Variants in GPC6 observed in about 807,000 individuals in gnomAD.
GPC6 encodes glypican 6, also known as glypican-6.
In GPC6, 14 loss-of-function variants were observed where a neutral mutation model predicts 55.2. The observed-to-expected ratio is 0.25, with a 90% CI of 0.17 to 0.40. The LOEUF (loss-of-function observed/expected upper bound fraction) is 0.40. Among genes scored for constraint, GPC6 ranks in the 10% least tolerant of loss-of-function variants. The probability of loss-of-function intolerance (pLI) is 1.00; values close to 1 mark genes in which losing one functional copy is unlikely to be tolerated. For synonymous variants in GPC6, 278 were observed against 259.6 expected, an observed-to-expected ratio of 1.07 and a Z score of -0.68; for missense variants, 641 against 708.5, an observed-to-expected ratio of 0.90 and a Z score of 1.08.
At chr13:93,421,461 C>T (rs918233877) in intron 1 of GPC6, among the ~76,000 whole-genome samples, 2 of 152,104 alleles carry the variant, frequency 1.3e-5, no homozygotes, top group African/African-American at 4.8e-5. Context: ...ATTTTCTGCT[C>T]ACTACTTTAC....
intron 1 of GPC6, among the ~76,000 whole-genome samples, chr13:93,327,707 A>T (rs1879704949): frequency 6.6e-6 from 1 of 152,080 alleles, no homozygotes; most frequent in East Asian, 1.9e-4. Flanking sequence ...GTGTGAAAAC[A>T]TTCTCATGTA....
chr13:94,027,970 A>C, intron 4 of GPC6, 76 bp downstream of exon 4: 2 of 1,285,410 alleles, frequency 1.6e-6, no homozygotes, highest in South Asian at 2.4e-5. Context: ...TGGGTGGGTC[A>C]GAAGTTATAA....
chr13:93,622,460 T>C (rs1217830265), intron 2 of GPC6, among the ~76,000 whole-genome samples: 1 of 151,366 alleles, frequency 6.6e-6, no homozygotes, highest in African/African-American at 2.4e-5. Flanking sequence ...TCTCTGTAGG[T>C]TAAAGATACA....
At chr13:94,003,465 G>C (rs547861025) in intron 3 of GPC6, among the ~76,000 whole-genome samples, 6 of 152,302 alleles carry the variant, frequency 3.9e-5, no homozygotes, top group African/African-American at 1.4e-4. Flanking sequence ...AGGGAGGATT[G>C]AGAGAGGTGT....
chr13:93,395,379 C>T, intron 1 of GPC6: 1 of 357,090 alleles, frequency 2.8e-6, no homozygotes, highest in Non-Finnish European at 5.3e-6. Flanking sequence ...TTCGGAATGA[C>T]AATCTTATCC....
chr13:93,538,255 G>A (rs1050647428), intron 1 of GPC6, among the ~76,000 whole-genome samples: 2 of 152,156 alleles, frequency 1.3e-5, no homozygotes, highest in African/African-American at 4.8e-5. Flanking sequence ...AAATTTCCCA[G>A]AGATTTTTCT....
rs542171986 is a variant in GPC6, at chr13:93,453,844, G to A, written c.161-91419G>A. Among the ~76,000 whole-genome samples, 106 of 152,154 alleles carry A rather than the reference G, an allele frequency of 7.0e-4. 3 individuals are homozygous for A. Among genetic ancestry groups the A allele is most frequent in the Admixed American group, 3.3e-4 (5 of 15,286 alleles). ...ACAGTGAGCAGTAGCAAGATTTATT[G>A]CAAAGAGCAAAAGAACAAAGCTTCC... On this transcript the variant is annotated intron_variant, in intron 1 of 8. Coordinates refer to ENST00000377047, the MANE Select transcript of GPC6 (RefSeq NM_005708.5).
chr13:93,439,004 T>C (rs2139285366), intron 1 of GPC6, among the ~76,000 whole-genome samples: 1 of 152,304 alleles, frequency 6.6e-6, no homozygotes, highest in Non-Finnish European at 1.5e-5. Flanking sequence ...AAAAGATTAA[T>C]GACTCACTGA....
intron 4 of GPC6, among the ~76,000 whole-genome samples, chr13:94,234,441 C>T (rs1890815888): frequency 6.6e-6 from 1 of 150,778 alleles, no homozygotes; most frequent in Non-Finnish European, 1.5e-5. Context: ...AATACTGAAG[C>T]TAAAAATTAG....
intron 3 of GPC6, among the ~76,000 whole-genome samples, chr13:93,871,735 A>G (rs995744658): frequency 6.6e-6 from 1 of 151,916 alleles, no homozygotes; most frequent in Non-Finnish European, 1.5e-5. Flanking sequence ...GGTTTTACTT[A>G]TTGTAAGTCA....
intron 5 of GPC6, among the ~76,000 whole-genome samples, chr13:94,293,346 C>T (rs1875109592): frequency 1.3e-5 from 2 of 152,114 alleles, no homozygotes; most frequent in South Asian, 2.1e-4. Flanking sequence ...ATGCTGTTCT[C>T]GTAATAGTGA....
At chr13:94,385,053 A>G (rs1315567679) in intron 7 of GPC6, among the ~76,000 whole-genome samples, 1 of 152,164 alleles carries the variant, frequency 6.6e-6, no homozygotes, top group Admixed American at 6.5e-5. Flanking sequence ...CATCCTAGCC[A>G]AGATACAGAA....
At chr13:94,037,725 C>T (rs556829453) in intron 4 of GPC6, among the ~76,000 whole-genome samples, 11 of 151,990 alleles carry the variant, frequency 7.2e-5, no homozygotes, top group African/African-American at 1.4e-4. Flanking sequence ...TTATTAACCA[C>T]GGTACCAATT....
At chr13:93,955,243 G>A (rs1039792978) in intron 3 of GPC6, among the ~76,000 whole-genome samples, 1 of 136,176 alleles carries the variant, frequency 7.3e-6, no homozygotes. Flanking sequence ...GAATGAACAT[G>A]CACACACACA....
intron 2 of GPC6, among the ~76,000 whole-genome samples, chr13:93,805,029 A>G (rs1329405668): frequency 6.6e-6 from 1 of 152,196 alleles, no homozygotes; most frequent in East Asian, 1.9e-4. Flanking sequence ...TTTACCTAGT[A>G]AGTACTTTAA....
chr13:93,764,925 G>A (rs1213102298), intron 2 of GPC6, among the ~76,000 whole-genome samples: 2 of 151,936 alleles, frequency 1.3e-5, no homozygotes, highest in Non-Finnish European at 2.9e-5. Context: ...TCAGCCTCCC[G>A]AGTAGCTGGG....
chr13:93,756,906 G>A (rs1319604443), intron 2 of GPC6, among the ~76,000 whole-genome samples: 1 of 152,118 alleles, frequency 6.6e-6, no homozygotes, highest in Non-Finnish European at 1.5e-5. Context: ...CACTTCCAAA[G>A]AGATGTAAAA....
At chr13:93,748,831 C>A (rs9561436) in intron 2 of GPC6, among the ~76,000 whole-genome samples, 1 of 151,932 alleles carries the variant, frequency 6.6e-6, no homozygotes, top group East Asian at 1.9e-4. Flanking sequence ...ACGAACAATA[C>A]CTCAGTTTTG....
chr13:94,162,310 C>T (rs1273564464), intron 4 of GPC6, among the ~76,000 whole-genome samples: 1 of 152,192 alleles, frequency 6.6e-6, no homozygotes, highest in Non-Finnish European at 1.5e-5. Context: ...GGGTTGCAAG[C>T]TGGCTGCCAG....
Sources: gnomAD v4.1 joint callset for allele counts (sites outside exome capture counted in the v4.1 genomes callset) on GRCh38, gnomAD v4.1.1 for gene constraint, MANE v1.5 for transcripts, NCBI Gene and HGNC (gene_info 2026-07-23, HGNC 2026-07-21) for gene names.